Variants in RFT1 observed in about 807,000 individuals in gnomAD.
RFT1 encodes the protein RFT1 glycolipid translocator homolog.
RFT1 carries 43 observed loss-of-function variants against 62.2 expected under a neutral mutation model. The ratio of observed to expected loss-of-function variants is 0.69; its 90% CI spans 0.54 to 0.89. RFT1 has a LOEUF of 0.89. Ranked by LOEUF, RFT1 falls within the 40% of genes least tolerant of loss-of-function variation. The pLI is 0.00. For synonymous variants in RFT1, 262 were observed against 264.6 expected (o/e 0.99, Z 0.10); for missense variants, 605 against 649.9 (o/e 0.93, Z 0.75).
chr3:53,079,983 G>A, the RFT1 span, among the ~76,000 whole-genome samples: 1 of 144,914 alleles, frequency 6.9e-6, no homozygotes, highest in East Asian at 1.9e-4. Flanking sequence ...CCGGGCCTTG[G>A]AAAGCCGAGA....
chr3:53,108,899 C>G (rs1701569030), intron 7 of RFT1, among the ~76,000 whole-genome samples: 1 of 150,284 alleles, frequency 6.7e-6, no homozygotes, highest in African/African-American at 2.5e-5. Context: ...GAATTCCTTA[C>G]CTCAGATGAT....
intron 10 of RFT1, chr3:53,103,658 G>A (rs930257346): frequency 4.4e-5 from 18 of 410,458 alleles, no homozygotes; most frequent in Non-Finnish European, 8.3e-5. Flanking sequence ...GCACAGGGAA[G>A]CGCTTGGCAA....
chr3:53,091,873 G>C lies in RFT1; in HGVS notation c.*30C>G, dbSNP rs1700998037. The C allele has an allele frequency of 6.2e-7, 1 of 1,612,146 alleles. No individual in the cohort carries two copies. The highest frequency in any genetic ancestry group is 1.7e-5 in the Admixed American group (1 of 60,000). Reference sequence around the variant, plus strand: ...CACAGAACTACCCATAGCTGGTCCAGGTGCCTCGGGTGTCCAGGCTTCCCT... The same window carrying C: ...CACAGAACTACCCATAGCTGGTCCACGTGCCTCGGGTGTCCAGGCTTCCCT... On this transcript the variant is annotated 3_prime_UTR_variant, in exon 13 of 13. Transcript: ENST00000296292.
At chr3:53,129,636 G>A (rs961357706) in intron 1 of RFT1, among the ~76,000 whole-genome samples, 1 of 152,106 alleles carries the variant, frequency 6.6e-6, no homozygotes, top group African/African-American at 2.4e-5. Context: ...GGACTAACTG[G>A]CCTGTATCAT....
chr3:53,111,906 C>T lies in RFT1; in HGVS notation c.699G>A (p.Ala233=), dbSNP rs763683975. 3.1e-5 allele frequency: 50 copies of T among 1,612,304 alleles called. No individual in the cohort carries two copies. The highest frequency in any genetic ancestry group is 1.6e-4 in the Middle Eastern group (1 of 6,080). Residue 233 remains alanine, a splice_region_variant and synonymous_variant, in exon 7 of 13, where the codon GCG becomes GCA. Transcript: ENST00000296292. ...DLLPNITRNG[A]FINWKEAKLT... ...GTTTAGCCTCTTTCCAGTTTATAAA[C>T]GCCTAGAAGAGAAAACAAAACAAAA... is the stretch of plus-strand genomic sequence containing the variant.
chr3:53,103,273 A>C (rs1409099399), intron 10 of RFT1: 1 of 985,394 alleles, frequency 1.0e-6, no homozygotes, highest in Non-Finnish European at 1.2e-6. Context: ...CGACCTGAGA[A>C]ATTAAAAACA....
intron 12 of RFT1, 34 bp downstream of exon 12, chr3:53,092,335 G>C: frequency 6.3e-7 from 1 of 1,583,708 alleles, no homozygotes; most frequent in Non-Finnish European, 8.6e-7. Flanking sequence ...GGCAGCTGCA[G>C]AAGCATGTGG....
the RFT1 span, among the ~76,000 whole-genome samples, chr3:53,076,142 TG>T: frequency 6.6e-6 from 1 of 152,232 alleles, no homozygotes; most frequent in African/African-American, 2.4e-5. Flanking sequence ...TGGTCCCATT[TG>T]TGTGGCTGCC....
At chr3:53,109,922 C>T (rs574412368) in intron 7 of RFT1, among the ~76,000 whole-genome samples, 2 of 152,244 alleles carry the variant, frequency 1.3e-5, no homozygotes, top group African/African-American at 4.8e-5. Context: ...AGGCAACTTC[C>T]TTATTTCACA....
the RFT1 span, among the ~76,000 whole-genome samples, chr3:53,068,318 C>A: frequency 6.6e-6 from 1 of 151,712 alleles, no homozygotes. Flanking sequence ...GCAGGAGAGA[C>A]CCCCCCCACC....
At chr3:53,086,779 G>A (rs1700864402), downstream of RFT1, among the ~76,000 whole-genome samples, 1 of 152,092 alleles carries the variant, frequency 6.6e-6, no homozygotes, top group African/African-American at 2.4e-5. Flanking sequence ...TCTTCCTTAG[G>A]GCCACTGAGA....
chr3:53,078,821 T>C, the RFT1 span, among the ~76,000 whole-genome samples: 4 of 152,176 alleles, frequency 2.6e-5, no homozygotes, highest in Non-Finnish European at 4.4e-5. Flanking sequence ...CCAGCCTTGG[T>C]ATGCACAGGC....
intron 9 of RFT1, 146 bp downstream of exon 9, chr3:53,105,527 C>T: frequency 5.0e-6 from 5 of 1,004,878 alleles, no homozygotes; most frequent in Non-Finnish European, 7.7e-6. Flanking sequence ...CCCTGGGTCC[C>T]ACTATCATGA....
intron 9 of RFT1, among the ~76,000 whole-genome samples, chr3:53,104,932 G>A (rs1701422029): frequency 6.6e-6 from 1 of 152,230 alleles, no homozygotes; most frequent in Non-Finnish European, 1.5e-5. Context: ...TTGGTGTGGT[G>A]AGCGAAAGCC....
chr3:53,103,767 C>A (rs1701382224), intron 10 of RFT1, 186 bp downstream of exon 10: 1 of 720,164 alleles, frequency 1.4e-6, no homozygotes, highest in South Asian at 1.7e-5. Context: ...GCGCCAACGC[C>A]CCTGCCTATA....
chr3:53,098,504 C>T (rs1701208247), intron 11 of RFT1, among the ~76,000 whole-genome samples: 1 of 152,004 alleles, frequency 6.6e-6, no homozygotes, highest in Non-Finnish European at 1.5e-5. Flanking sequence ...ACAGAGGCAG[C>T]ATGAAAACCC....
the RFT1 span, among the ~76,000 whole-genome samples, chr3:53,070,402 T>TTG: frequency 3.7e-4 from 51 of 136,776 alleles, 1 homozygote; most frequent in African/African-American, 1.4e-3. Flanking sequence ...GGTTTTTTTT[T>TTG]TTTTTTTTTT....
In RFT1 at chr3:53,103,240, A is replaced by C. The variant is rs144808914; in HGVS notation, c.1102+713T>G. 65 of 985,416 alleles carry C rather than the reference A, an allele frequency of 6.6e-5. 1 individual carries two copies. Among genetic ancestry groups the C allele is most frequent in the Middle Eastern group, 1.0e-3 (2 of 1,914 alleles). The allele number at this position is 985,416 out of a possible 1,614,324, so 61.0% of individuals were successfully genotyped here. A position where few individuals can be genotyped will look rare whatever the true frequency, so the allele number is the denominator to read the frequency against. On this transcript the variant is annotated intron_variant, in intron 10 of 12. Transcript: ENST00000296292. ...TATATTGAGATGGGGCAGCAGAAAG[A>C]AGTCCTCAGCGTTCTTGTCCAGCGA...
chr3:53,104,427 C>T (rs1016853239), intron 9 of RFT1, among the ~76,000 whole-genome samples: 2 of 151,336 alleles, frequency 1.3e-5, no homozygotes, highest in South Asian at 2.1e-4. Context: ...GGGAGTCTCA[C>T]TATGTTGACC....
Sources: gnomAD v4.1 joint callset for allele counts (sites outside exome capture counted in the v4.1 genomes callset) on GRCh38, gnomAD v4.1.1 for gene constraint, MANE v1.5 for transcripts, NCBI Gene and HGNC (gene_info 2026-07-23, HGNC 2026-07-21) for gene names.